The following SLC2A13 variants were observed in gnomAD, a reference collection of about 807,000 sequenced individuals.
SLC2A13 encodes the protein solute carrier family 2 member 13, also known as proton myo-inositol cotransporter.
Under a neutral mutation model 64.4 loss-of-function variants are expected in SLC2A13, and 32 were observed. The observed-to-expected ratio is 0.50, with a 90% CI of 0.37 to 0.67. SLC2A13 has a LOEUF of 0.67. Ranked by LOEUF, SLC2A13 falls within the 30% of genes least tolerant of loss-of-function variation. The probability of loss-of-function intolerance (pLI) is 0.00; values close to 1 mark genes in which losing one functional copy is unlikely to be tolerated. For synonymous variants in SLC2A13, 338 were observed against 327.1 expected (o/e 1.03, Z -0.36); for missense variants, 743 against 829.2 (o/e 0.90, Z 1.28).
At chr12:39,938,993 C>T (rs994923816) in intron 4 of SLC2A13, among the ~76,000 whole-genome samples, 9 of 152,052 alleles carry the variant, frequency 5.9e-5, no homozygotes, top group South Asian at 2.1e-4. Flanking sequence ...ATTTAACATC[C>T]GCAGGGTCAA....
chr12:39,904,343 T>A (rs1211655550), intron 4 of SLC2A13, among the ~76,000 whole-genome samples: 7 of 152,152 alleles, frequency 4.6e-5, no homozygotes, highest in Admixed American at 2.6e-4. Flanking sequence ...AGTGAACCAC[T>A]CTTGCCATTT....
At chr12:39,928,166 T>C (rs1945760107) in intron 4 of SLC2A13, among the ~76,000 whole-genome samples, 1 of 152,106 alleles carries the variant, frequency 6.6e-6, no homozygotes, top group Non-Finnish European at 1.5e-5. Context: ...ACTTCAATAG[T>C]CAAAAAACGC....
chr12:39,821,272 T>C (rs1222397800), intron 7 of SLC2A13, among the ~76,000 whole-genome samples: 1 of 151,870 alleles, frequency 6.6e-6, no homozygotes, highest in Non-Finnish European at 1.5e-5. Flanking sequence ...TAGCCGGGCG[T>C]GTTGGCGGGC....
rs1905120 is a variant in SLC2A13, at chr12:40,076,860, T to C, written c.556+28393A>G. ...ACTTTTCAATAACTGCCATTCTGAC[T>C]GGTATGAGATGCTATCTCATCATGG... On this transcript the variant is annotated intron_variant, in intron 1 of 9. Transcript: ENST00000280871. 7.0e-4 allele frequency among the ~76,000 whole-genome samples: 107 copies of C among 152,322 alleles called. 1 individual carries two copies. The highest frequency in any genetic ancestry group is 2.4e-3 in the African/African-American group (98 of 41,576).
chr12:39,896,094 A>G (rs1001124679), intron 4 of SLC2A13, among the ~76,000 whole-genome samples: 10 of 146,938 alleles, frequency 6.8e-5, no homozygotes, highest in East Asian at 2.0e-4. Flanking sequence ...ATATATGTAT[A>G]CACGTGTATA....
chr12:39,846,390 T>C lies in SLC2A13; in HGVS notation c.1320-16162A>G, dbSNP rs1343342153. On this transcript the variant is annotated intron_variant, in intron 6 of 9. Coordinates refer to ENST00000280871, the MANE Select transcript of SLC2A13 (RefSeq NM_052885.4). ...AAGGGCTGAATTCTAGAGAAAGATC[T>C]TTCTCAGTTAAAGCATGGTTCTGCT... 2.0e-5 allele frequency among the ~76,000 whole-genome samples: 3 copies of C among 152,164 alleles called. No individual in the cohort carries two copies. The East Asian group carries it at 5.8e-4, about 29-fold the overall frequency.
intron 4 of SLC2A13, among the ~76,000 whole-genome samples, chr12:39,915,962 A>G (rs1482006263): frequency 6.6e-6 from 1 of 151,992 alleles, no homozygotes; most frequent in Non-Finnish European, 1.5e-5. Flanking sequence ...TATTCAAAAG[A>G]CAAAGAATAC....
At chr12:39,948,625 ACCTTATATTT>A (rs1946179001) in intron 4 of SLC2A13, among the ~76,000 whole-genome samples, 1 of 152,122 alleles carries the variant, frequency 6.6e-6, no homozygotes, top group South Asian at 2.1e-4. Flanking sequence ...AATTCAAAAT[ACCTTATATTT>A]CCATTCACTC....
chr12:39,916,710 T>C (rs1945526357), intron 4 of SLC2A13, among the ~76,000 whole-genome samples: 1 of 152,142 alleles, frequency 6.6e-6, no homozygotes, highest in African/African-American at 2.4e-5. Context: ...AAAAGCACAG[T>C]AATAACCTGA....
At chr12:39,943,282 G>T (rs1309038072) in intron 4 of SLC2A13, among the ~76,000 whole-genome samples, 2 of 152,220 alleles carry the variant, frequency 1.3e-5, no homozygotes. Context: ...TTTGAGTGCT[G>T]TGCTGGGAGA....
intron 7 of SLC2A13, among the ~76,000 whole-genome samples, chr12:39,815,636 T>C (rs1942318242): frequency 1.3e-5 from 2 of 152,120 alleles, no homozygotes; most frequent in Admixed American, 6.6e-5. Flanking sequence ...ATAACCATAA[T>C]GCAATAATTA....
intron 7 of SLC2A13, among the ~76,000 whole-genome samples, chr12:39,792,416 A>G (rs939980416): frequency 1.8e-4 from 27 of 152,154 alleles, no homozygotes; most frequent in African/African-American, 6.3e-4. Context: ...AGCAAAAGAA[A>G]CTACCATCAG....
chr12:40,023,032 C>T (rs1039062553), intron 3 of SLC2A13, among the ~76,000 whole-genome samples: 1 of 152,182 alleles, frequency 6.6e-6, no homozygotes, highest in Non-Finnish European at 1.5e-5. Flanking sequence ...GTCTCCCTTG[C>T]CTGCCTTCCT....
At chr12:39,955,040 C>T (rs987983982) in intron 3 of SLC2A13, among the ~76,000 whole-genome samples, 1 of 152,142 alleles carries the variant, frequency 6.6e-6, no homozygotes, top group Admixed American at 6.5e-5. Context: ...CCACATTCCA[C>T]CAAATAAGAG....
intron 6 of SLC2A13, among the ~76,000 whole-genome samples, chr12:39,846,245 T>C (rs1019013412): frequency 1.3e-5 from 2 of 152,156 alleles, no homozygotes; most frequent in Admixed American, 1.3e-4. Flanking sequence ...TTATAGGTAT[T>C]ATTCACCTTT....
intron 4 of SLC2A13, among the ~76,000 whole-genome samples, chr12:39,901,776 C>A (rs1945122231): frequency 7.3e-6 from 1 of 136,924 alleles, no homozygotes; most frequent in African/African-American, 2.8e-5. Context: ...TTGTGGAAGT[C>A]AGTGTGGCGA....
chr12:39,790,183 T>A (rs1592140118), intron 7 of SLC2A13, among the ~76,000 whole-genome samples: 1 of 150,686 alleles, frequency 6.6e-6, no homozygotes, highest in South Asian at 2.1e-4. Flanking sequence ...AATTTTTTAT[T>A]AGTATAGCCT....
intron 6 of SLC2A13, among the ~76,000 whole-genome samples, chr12:39,856,702 C>T (rs539273767): frequency 4.9e-4 from 74 of 152,246 alleles, no homozygotes; most frequent in Middle Eastern, 3.4e-3. Flanking sequence ...ACATTTGGTC[C>T]ATAGCAATAG....
chr12:39,951,696 C>T (rs1946234027), intron 3 of SLC2A13, among the ~76,000 whole-genome samples: 1 of 152,194 alleles, frequency 6.6e-6, no homozygotes, highest in Admixed American at 6.5e-5. Flanking sequence ...TTAACCACTT[C>T]CTTTGTTCTT....
Sources: allele counts gnomAD v4.1 joint callset (sites outside exome capture counted in the v4.1 genomes callset), GRCh38; gene constraint gnomAD v4.1.1; transcripts MANE v1.5; gene names NCBI Gene and HGNC (gene_info 2026-07-23, HGNC 2026-07-21).